Variants in STAG2 observed in about 807,000 individuals in gnomAD.
STAG2 encodes the protein STAG2 cohesin complex component, also known as cohesin subunit SA-2.
STAG2 carries 14 observed loss-of-function variants against 108.1 expected under a neutral mutation model. That is an observed-to-expected ratio of 0.13 (90% CI 0.09 to 0.20). STAG2 has a LOEUF of 0.20. Among genes scored for constraint, STAG2 ranks in the 10% least tolerant of loss-of-function variants. STAG2 has a pLI of 1.00. For missense variants in STAG2, 440 were observed against 940.9 expected, an observed-to-expected ratio of 0.47 and a Z score of 6.96; for synonymous variants, 307 against 302.7, an observed-to-expected ratio of 1.01 and a Z score of -0.15.
chrX:124,061,543 T>TA (rs1409725690), intron 16 of STAG2, among the ~76,000 whole-genome samples: 1 of 110,989 alleles, frequency 9.0e-6, no homozygotes, highest in African/African-American at 3.3e-5. Flanking sequence ...GTATCTGGGT[T>TA]ATTTTTTTTA....
chrX:124,064,138 G>A, intron 20 of STAG2, 87 bp downstream of exon 20: 1 of 661,612 alleles, frequency 1.5e-6, no homozygotes, highest in Admixed American at 3.3e-5. Context: ...TTAAGTCTTG[G>A]TGATAGTCCC....
chrX:124,081,431 T>C lies in STAG2; in HGVS notation c.2827T>C (p.Ser943Pro). The C allele has an allele frequency of 8.4e-7, 1 of 1,185,499 alleles. No individual in the cohort carries two copies. The highest frequency in any genetic ancestry group is 1.1e-6 in the Non-Finnish European group (1 of 877,713). The change falls in exon 28 of 35, where the codon TCT (serine) becomes CCT (proline). Residue 943 changes from serine (S) to proline (P), a missense_variant. Around this residue, in one of 3 missense-constraint regions of STAG2, gnomAD observed 337 missense variants for 649.3 expected, o/e 0.52. Coordinates refer to ENST00000371145, the MANE Select transcript of STAG2 (RefSeq NM_001042750.2). The stretch of plus-strand genomic sequence containing the variant: ...TGGCTATAATTTTGATAGATCATCC[T>C]CTACATTTAGTGGCATAAAAGAACT... Reference protein sequence around the residue: ...ENGYNFDRSSSTFSGIKELAR... With the variant: ...ENGYNFDRSSPTFSGIKELAR...
At chrX:124,031,816 C>T (rs1165160261) in intron 5 of STAG2, among the ~76,000 whole-genome samples, 6 of 108,150 alleles carry the variant, frequency 5.5e-5, no homozygotes, top group South Asian at 4.0e-4. Context: ...CTGCAACCTC[C>T]GCCTCCTGGG....
chrX:124,020,209 G>A lies in STAG2; in HGVS notation c.-162-1158G>A, dbSNP rs140573978. ...GTATTCTCTGCTTCTCAGAGATGAT[G>A]CATTCTTTATATTCATCACCTGTGA... is the stretch of plus-strand genomic sequence containing the variant. On this transcript the variant is annotated intron_variant, in intron 1 of 34. Coordinates refer to ENST00000371145, the MANE Select transcript of STAG2 (RefSeq NM_001042750.2). Among the ~76,000 whole-genome samples the A allele has an allele frequency of 7.3e-3, 815 of 112,131 alleles. 7 individuals carry two copies. The highest frequency in any genetic ancestry group is 0.025 in the African/African-American group (769 of 30,951).
At chrX:123,993,158 T>C (rs1029301279) in intron 1 of STAG2, among the ~76,000 whole-genome samples, 1 of 111,376 alleles carries the variant, frequency 9.0e-6, no homozygotes, top group Non-Finnish European at 1.9e-5. Context: ...TTAGTGTTTC[T>C]GTAGAAGATA....
intron 1 of STAG2, among the ~76,000 whole-genome samples, chrX:124,011,836 C>T (rs2858655): frequency 1.3e-4 from 15 of 111,357 alleles, no homozygotes; most frequent in Non-Finnish European, 2.8e-4. Flanking sequence ...ATGGATTAAC[C>T]TATTCATGAT....
At chrX:124,077,039 A>G (rs1434708111) in intron 26 of STAG2, among the ~76,000 whole-genome samples, 1 of 111,517 alleles carries the variant, frequency 9.0e-6, no homozygotes, top group African/African-American at 3.3e-5. Context: ...TACTAACAGA[A>G]TGTGACTAAA....
chrX:124,034,210 T>A (rs1443414322), intron 5 of STAG2, among the ~76,000 whole-genome samples: 1 of 112,049 alleles, frequency 8.9e-6, no homozygotes, highest in Non-Finnish European at 1.9e-5. Context: ...TTTCATTTTT[T>A]ATTTTAAGAT....
intron 15 of STAG2, among the ~76,000 whole-genome samples, chrX:124,059,956 G>A (rs1210374459): frequency 1.8e-5 from 2 of 111,008 alleles, no homozygotes; most frequent in Non-Finnish European, 3.8e-5. Flanking sequence ...ACCACAGCAC[G>A]TGGCCCGGTT....
chrX:124,056,271 A>G (rs1433807905), intron 14 of STAG2, 36 bp downstream of exon 14: 16 of 990,862 alleles, frequency 1.6e-5, no homozygotes, highest in Non-Finnish European at 2.1e-5. Context: ...TTTCTAAGGC[A>G]TACTTTCATA....
At position 124,102,199 on chromosome X, in the gene STAG2, A is replaced by G. The variant is rs898104704; in HGVS notation, c.*1602A>G. On this transcript the variant is annotated 3_prime_UTR_variant, in exon 35 of 35. Transcript: ENST00000371145. ...GACTTGTCTAACAGATTTTCCATCA[A>G]CAAATATTGTTATGTGCAAAAGTAT... is the stretch of plus-strand genomic sequence containing the variant. 11 of 158,129 alleles carry G rather than the reference A, an allele frequency of 7.0e-5. No homozygotes were observed. The highest frequency in any genetic ancestry group is 1.4e-4 in the Non-Finnish European group (11 of 80,905). The allele number at this position is 158,129 out of a possible 1,213,427, so 13.0% of individuals were successfully genotyped here.
intron 4 of STAG2, among the ~76,000 whole-genome samples, chrX:124,030,514 A>G (rs902088073): frequency 8.9e-6 from 1 of 112,341 alleles, no homozygotes; most frequent in African/African-American, 3.2e-5. Context: ...TTTTACAGTG[A>G]TAACAATAGC....
At chrX:124,028,822 A>AT (rs767163177) in intron 4 of STAG2, among the ~76,000 whole-genome samples, 4 of 38,978 alleles carry the variant, frequency 1.0e-4, no homozygotes, top group African/African-American at 1.1e-4. Flanking sequence ...ATATATATAT[A>AT]TTTTTTTTTT....
At chrX:123,963,449 A>G (rs956626110) in intron 1 of STAG2, 2 of 111,067 alleles carry the variant, frequency 1.8e-5, no homozygotes, top group African/African-American at 6.6e-5. Context: ...AGTGGGGTTA[A>G]TTTTCAACAT....
chrX:124,089,020 A>G (rs1310402285), intron 30 of STAG2, among the ~76,000 whole-genome samples: 2 of 105,796 alleles, frequency 1.9e-5, no homozygotes, highest in African/African-American at 7.0e-5. Context: ...GGTTGAAGCA[A>G]TTCTCTTGCC....
chrX:124,027,151 C>T (rs973749178), intron 4 of STAG2, among the ~76,000 whole-genome samples: 13 of 111,982 alleles, frequency 1.2e-4, no homozygotes, highest in African/African-American at 4.2e-4. Flanking sequence ...CTACTGGGCT[C>T]AAGCAGTCCT....
chrX:124,076,776 C>T (rs1342438119), intron 26 of STAG2, among the ~76,000 whole-genome samples: 1 of 109,363 alleles, frequency 9.1e-6, no homozygotes, highest in African/African-American at 3.3e-5. Context: ...CTTGATGTAG[C>T]ATTAAAAAGA....
intron 1 of STAG2, among the ~76,000 whole-genome samples, chrX:123,965,714 C>T (rs1006013278): frequency 6.3e-5 from 7 of 111,490 alleles, no homozygotes; most frequent in African/African-American, 1.6e-4. Flanking sequence ...CCAAAATCGG[C>T]GGGGCACAGT....
intron 23 of STAG2, among the ~76,000 whole-genome samples, chrX:124,067,850 G>C (rs2058575804): frequency 9.0e-6 from 1 of 110,832 alleles, no homozygotes; most frequent in South Asian, 3.8e-4. Flanking sequence ...TGGCCAACAT[G>C]GTGAAACCTT....
Sources: gnomAD v4.1 joint callset for allele counts (sites outside exome capture counted in the v4.1 genomes callset) on GRCh38, gnomAD v4.1.1 for gene constraint, gnomAD v4.1.1 regional missense constraint, MANE v1.5 for transcripts, NCBI Gene and HGNC (gene_info 2026-07-23, HGNC 2026-07-21) for gene names.